TTLL11: variants seen among roughly 807,000 people sequenced by gnomAD.
TTLL11 encodes the protein tubulin tyrosine ligase like 11.
Under a neutral mutation model 51.7 loss-of-function variants are expected in TTLL11, and 42 were observed. The ratio of observed to expected loss-of-function variants is 0.81; its 90% CI spans 0.64 to 1.05. TTLL11 has a LOEUF of 1.05. TTLL11 is among the 50% of genes least tolerant of loss of function. The pLI, the probability that TTLL11 is intolerant of heterozygous loss-of-function variation, is 0.00. For synonymous variants in TTLL11, 381 were observed against 383.5 expected (o/e 0.99, Z 0.08); for missense variants, 799 against 940.4 (o/e 0.85, Z 1.97).
chr9:122,029,082 T>C (rs1050249507), intron 3 of TTLL11, among the ~76,000 whole-genome samples: 7 of 152,218 alleles, frequency 4.6e-5, no homozygotes, highest in African/African-American at 1.7e-4. Flanking sequence ...TGTAGCACAG[T>C]GCATTACTCA....
intron 1 of TTLL11, among the ~76,000 whole-genome samples, chr9:122,080,860 CAA>C (rs151066797): frequency 0.036 from 5,506 of 151,922 alleles, 149 homozygotes; most frequent in South Asian, 0.057. Flanking sequence ...ATGACATTAA[CAA>C]AAAGTTGTAT....
At chr9:122,057,122 T>A (rs567421233) in intron 1 of TTLL11, among the ~76,000 whole-genome samples, 12 of 152,134 alleles carry the variant, frequency 7.9e-5, no homozygotes, top group Non-Finnish European at 1.3e-4. Context: ...AGAACAAATA[T>A]TGCATTAAAC....
intron 8 of TTLL11, among the ~76,000 whole-genome samples, chr9:121,841,146 G>C (rs919457745): frequency 6.6e-6 from 1 of 152,160 alleles, no homozygotes; most frequent in Non-Finnish European, 1.5e-5. Flanking sequence ...GATGTTACAG[G>C]AAGGAGACAC....
chr9:122,054,268 A>C (rs1845237164), intron 1 of TTLL11, among the ~76,000 whole-genome samples: 1 of 152,118 alleles, frequency 6.6e-6, no homozygotes, highest in South Asian at 2.1e-4. Context: ...AATTGTTACC[A>C]AACAATTTAA....
intron 2 of TTLL11, among the ~76,000 whole-genome samples, chr9:122,032,244 C>T (rs371927814): frequency 3.6e-4 from 55 of 152,116 alleles, no homozygotes; most frequent in African/African-American, 7.0e-4. Flanking sequence ...GGATTCCTTC[C>T]GTCTTGTACC....
In TTLL11 at chr9:122,079,750, A is replaced by G. The variant is rs552489597; in HGVS notation, c.462+12937T>C. On this transcript the variant is annotated intron_variant, in intron 1 of 8. Transcript: ENST00000321582. ...ATCACCTATCAAAACTTTTGGCAATAAAACTGCCAAAGTATGTGAAATGCT... is the reference window on the plus strand; with the variant it reads ...ATCACCTATCAAAACTTTTGGCAATGAAACTGCCAAAGTATGTGAAATGCT... Among the ~76,000 whole-genome samples the G allele has an allele frequency of 1.8e-3, 279 of 152,220 alleles. 1 individual carries two copies. The highest frequency in any genetic ancestry group is 6.6e-3 in the African/African-American group (273 of 41,536).
intron 7 of TTLL11, among the ~76,000 whole-genome samples, chr9:121,868,888 G>A (rs1838257921): frequency 6.6e-6 from 1 of 152,146 alleles, no homozygotes; most frequent in South Asian, 2.1e-4. Flanking sequence ...GACTCCCACT[G>A]AAAAAGCAGC....
chr9:121,921,147 C>A (rs1038718133), intron 6 of TTLL11, among the ~76,000 whole-genome samples: 1 of 152,172 alleles, frequency 6.6e-6, no homozygotes, highest in Admixed American at 6.5e-5. Context: ...CAGTGGAAAA[C>A]CCTCACTGGT....
At chr9:121,997,321 G>A (rs1318638191) in intron 3 of TTLL11, among the ~76,000 whole-genome samples, 1 of 152,148 alleles carries the variant, frequency 6.6e-6, no homozygotes, top group African/African-American at 2.4e-5. Flanking sequence ...GCTGAGGGGA[G>A]TGAGAACACA....
At chr9:121,860,258 T>C (rs1837964209) in intron 8 of TTLL11, 79 bp downstream of exon 8, 2 of 1,131,936 alleles carry the variant, frequency 1.8e-6, no homozygotes, top group African/African-American at 1.5e-5. Context: ...TCTGAACCCT[T>C]GACAAGAAGG....
At chr9:122,039,162 T>G (rs1844776538) in intron 2 of TTLL11, 110 bp downstream of exon 2, 2 of 888,222 alleles carry the variant, frequency 2.3e-6, no homozygotes, top group Non-Finnish European at 3.5e-6. Context: ...AATTCCCAAT[T>G]AAGAGTCCTC....
chr9:121,901,837 C>G (rs939338269), intron 6 of TTLL11, among the ~76,000 whole-genome samples: 2 of 152,220 alleles, frequency 1.3e-5, no homozygotes, highest in Non-Finnish European at 1.5e-5. Context: ...GTTTCAACAC[C>G]TGTTCACTCC....
chr9:121,961,775 G>A (rs1842231945), intron 6 of TTLL11, among the ~76,000 whole-genome samples: 1 of 152,218 alleles, frequency 6.6e-6, no homozygotes, highest in Admixed American at 6.5e-5. Flanking sequence ...AGAAAAATAG[G>A]CCAGGTGCCA....
intron 6 of TTLL11, among the ~76,000 whole-genome samples, chr9:121,916,689 C>G (rs1366298246): frequency 6.6e-6 from 1 of 152,112 alleles, no homozygotes; most frequent in East Asian, 1.9e-4. Context: ...ACGATGGTAT[C>G]CAGCTTGAAG....
chr9:121,992,291 GA>G (rs1482113822), intron 3 of TTLL11, among the ~76,000 whole-genome samples: 1 of 152,198 alleles, frequency 6.6e-6, no homozygotes, highest in African/African-American at 2.4e-5. Context: ...ACATTTTTCA[GA>G]ATTCATATTC....
chr9:122,028,238 G>C (rs966430654), intron 3 of TTLL11, among the ~76,000 whole-genome samples: 1 of 152,160 alleles, frequency 6.6e-6, no homozygotes, highest in African/African-American at 2.4e-5. Flanking sequence ...TGGTAGACTT[G>C]AATCCAACAG....
intron 6 of TTLL11, among the ~76,000 whole-genome samples, chr9:121,891,445 G>A (rs1296434382): frequency 1.3e-5 from 2 of 152,208 alleles, no homozygotes; most frequent in Admixed American, 1.3e-4. Context: ...GGATCACAAC[G>A]ATTTAGGAAG....
intron 6 of TTLL11, among the ~76,000 whole-genome samples, chr9:121,887,818 G>C (rs902304050): frequency 1.3e-5 from 2 of 152,142 alleles, no homozygotes; most frequent in African/African-American, 4.8e-5. Flanking sequence ...TGGGATGTGA[G>C]CTCCTTCCCT....
intron 6 of TTLL11, among the ~76,000 whole-genome samples, chr9:121,911,297 T>A (rs2131500444): frequency 6.6e-6 from 1 of 152,244 alleles, no homozygotes; most frequent in East Asian, 1.9e-4. Flanking sequence ...CTCTGGAGGC[T>A]GAGGCTGGAG....
Sources: gnomAD v4.1 joint callset for allele counts (sites outside exome capture counted in the v4.1 genomes callset) on GRCh38, gnomAD v4.1.1 for gene constraint, MANE v1.5 for transcripts, NCBI Gene and HGNC (gene_info 2026-07-23, HGNC 2026-07-21) for gene names.